The following PCDH11X variants were observed in gnomAD, a reference collection of about 807,000 sequenced individuals.
PCDH11X encodes protocadherin-11 X-linked.
Under a neutral mutation model 53.3 loss-of-function variants are expected in PCDH11X, and 18 were observed. That is an observed-to-expected ratio of 0.34 (90% CI 0.23 to 0.50). The LOEUF (loss-of-function observed/expected upper bound fraction) is 0.50, where lower values mean the gene tolerates loss of function less well. Among genes scored for constraint, PCDH11X ranks in the 20% least tolerant of loss-of-function variants. The probability of loss-of-function intolerance (pLI) is 0.98; values close to 1 mark genes in which losing one functional copy is unlikely to be tolerated. For synonymous variants in PCDH11X, 279 were observed against 393.3 expected (o/e 0.71, Z 3.44); for missense variants, 570 against 1,032.4 (o/e 0.55, Z 6.14).
At chrX:92,256,264 A>G (rs12560068) in intron 7 of PCDH11X, among the ~76,000 whole-genome samples, 13,027 of 109,035 alleles carry the variant, frequency 0.12, 1,207 homozygotes, top group African/African-American at 0.31. Context: ...GACCCCTTGC[A>G]CTTCCCGAGT....
chrX:91,924,640 A>G (rs1456232266), intron 6 of PCDH11X, among the ~76,000 whole-genome samples: 1 of 111,805 alleles, frequency 8.9e-6, no homozygotes, highest in Non-Finnish European at 1.9e-5. Flanking sequence ...CTTTTAACCT[A>G]TTTGAGCTCT....
chrX:92,274,353 A>G (rs1006074885), intron 8 of PCDH11X, among the ~76,000 whole-genome samples: 1 of 109,449 alleles, frequency 9.1e-6, no homozygotes, highest in East Asian at 3.0e-4. Context: ...CTGAATACTA[A>G]GAGCCTGAAA....
At chrX:92,420,478 G>A (rs760508052) in intron 9 of PCDH11X, 3 of 331,554 alleles carry the variant, frequency 9.0e-6, no homozygotes, top group African/African-American at 5.3e-5. Context: ...GAGATCTTTC[G>A]GCAATGAGTT....
intron 7 of PCDH11X, among the ~76,000 whole-genome samples, chrX:92,255,626 A>G (rs2070549328): frequency 9.2e-6 from 1 of 108,967 alleles, no homozygotes; most frequent in Non-Finnish European, 1.9e-5. Flanking sequence ...TTTGGTGTGG[A>G]TGTCCTTTCT....
At chrX:91,994,707 T>C (rs933553689) in intron 6 of PCDH11X, among the ~76,000 whole-genome samples, 20 of 110,806 alleles carry the variant, frequency 1.8e-4, no homozygotes, top group African/African-American at 6.3e-4. Context: ...TTTCAAGGTG[T>C]TGAGGAACAT....
chrX:92,111,357 C>G (rs1467166577), intron 6 of PCDH11X, among the ~76,000 whole-genome samples: 1 of 106,521 alleles, frequency 9.4e-6, no homozygotes, highest in Non-Finnish European at 1.9e-5. Flanking sequence ...CTCAGTGCTT[C>G]TAGTTATTAA....
intron 8 of PCDH11X, among the ~76,000 whole-genome samples, chrX:92,363,100 T>G (rs1011088743): frequency 3.6e-4 from 40 of 111,360 alleles, no homozygotes; most frequent in Admixed American, 1.1e-3. Context: ...ACTTTTTACT[T>G]TATTCTTCTT....
intron 6 of PCDH11X, among the ~76,000 whole-genome samples, chrX:92,047,339 A>C (rs1171714300): frequency 9.4e-6 from 1 of 106,600 alleles, no homozygotes; most frequent in African/African-American, 3.5e-5. Flanking sequence ...GTAACCAGTA[A>C]AAACTAGGGT....
At chrX:92,277,071 T>C (rs1348502838) in intron 8 of PCDH11X, among the ~76,000 whole-genome samples, 1 of 109,738 alleles carries the variant, frequency 9.1e-6, no homozygotes, top group East Asian at 2.9e-4. Flanking sequence ...GGTGGAAGAA[T>C]TGGGACCTAG....
intron 10 of PCDH11X, among the ~76,000 whole-genome samples, chrX:92,617,023 CTTTCA>C (rs1420643322): frequency 9.1e-6 from 1 of 110,181 alleles, no homozygotes; most frequent in Admixed American, 9.7e-5. Context: ...ATCTGTATGT[CTTTCA>C]TTTCTTTTTC....
chrX:92,419,734 C>A (rs1318517769), intron 9 of PCDH11X, among the ~76,000 whole-genome samples: 2 of 78,979 alleles, frequency 2.5e-5, no homozygotes, highest in Non-Finnish European at 4.4e-5. Flanking sequence ...GGCTGGAGTG[C>A]AGTGGCACCA....
rs181586893 is a variant in PCDH11X at position 92,431,398 on chromosome X, C to T, written c.3344-36901C>T. The stretch of plus-strand genomic sequence containing the variant: ...TATTATACAAAGGAAGTATGAAGGA[C>T]TTACAAAATTGCACTGGAGTTTAAG... On this transcript the variant is annotated intron_variant, in intron 9 of 10. Transcript: ENST00000682573. Among the ~76,000 whole-genome samples, 544 of 110,405 alleles carry T rather than the reference C, an allele frequency of 4.9e-3. 11 individuals carry two copies. In the South Asian group the frequency reaches 0.062, roughly 13 times the overall value.
At chrX:92,167,682 T>G (rs1157895520) in intron 6 of PCDH11X, among the ~76,000 whole-genome samples, 1 of 112,060 alleles carries the variant, frequency 8.9e-6, no homozygotes, top group Admixed American at 9.6e-5. Flanking sequence ...GTCTATTTTG[T>G]TATTTTGTAG....
chrX:92,331,357 TTCCTCCTCCTCCTTTTCCTCCTCCTCC>T (rs1327651137), intron 8 of PCDH11X, among the ~76,000 whole-genome samples: 1 of 52,365 alleles, frequency 1.9e-5, no homozygotes. Flanking sequence ...CCCCCTCCTC[TTCCTCCTCCTCCTTTTCCTCCTCCTCC>T]TCCTCCTCTT....
intron 10 of PCDH11X, among the ~76,000 whole-genome samples, chrX:92,482,297 A>T (rs2062852924): frequency 9.0e-6 from 1 of 111,178 alleles, no homozygotes; most frequent in Non-Finnish European, 1.9e-5. Flanking sequence ...TCTAGATTGA[A>T]CTTTTATTGG....
intron 6 of PCDH11X, among the ~76,000 whole-genome samples, chrX:92,049,675 G>A (rs1162964635): frequency 2.7e-5 from 3 of 111,278 alleles, no homozygotes; most frequent in African/African-American, 9.8e-5. Context: ...TTTATACTAA[G>A]GTAATTCTCC....
At chrX:92,471,032 T>C (rs1161297629) in intron 10 of PCDH11X, among the ~76,000 whole-genome samples, 2 of 107,261 alleles carry the variant, frequency 1.9e-5, no homozygotes, top group South Asian at 4.2e-4. Context: ...AGTTCTTTCT[T>C]AAATATTCGT....
At position 92,268,755 on chromosome X, in the gene PCDH11X, T is replaced by A. The variant is rs773045413; in HGVS notation, c.3144+5612T>A. Among the ~76,000 whole-genome samples the A allele has an allele frequency of 1.7e-4, 19 of 111,706 alleles. No homozygotes were observed. In the South Asian group the frequency reaches 6.7e-3, roughly 39 times the overall value. The stretch of plus-strand genomic sequence containing the variant: ...ATCAGTGGCAAAAAATATCAGATAA[T>A]GTAAAGGACACTTTGATCTTTTGGG... On this transcript the variant is annotated intron_variant, in intron 8 of 10. Transcript: ENST00000682573.
chrX:92,484,167 GTATATATATGTATGTA>G (rs2073577976), intron 10 of PCDH11X, among the ~76,000 whole-genome samples: 1 of 35,096 alleles, frequency 2.8e-5, no homozygotes, highest in African/African-American at 9.2e-5. Context: ...ATGTATATAT[GTATATATATGTATGTA>G]TATATATGTA....
Sources: allele counts gnomAD v4.1 joint callset (sites outside exome capture counted in the v4.1 genomes callset), GRCh38; gene constraint gnomAD v4.1.1; transcripts MANE v1.5; gene names NCBI Gene and HGNC (gene_info 2026-07-23, HGNC 2026-07-21).